Variants in NEBL observed in about 807,000 individuals in gnomAD.
The protein encoded by NEBL is LIM and SH3 protein 2.
NEBL carries 122 observed loss-of-function variants against 140.2 expected under a neutral mutation model. That is an observed-to-expected ratio of 0.87 (90% confidence interval 0.75 to 1.01). The LOEUF (loss-of-function observed/expected upper bound fraction) is 1.01, where lower values mean the gene tolerates loss of function less well. NEBL is among the 50% of genes least tolerant of loss of function. NEBL has a pLI of 0.00. For synonymous variants in NEBL, 436 were observed against 398.9 expected, an observed-to-expected ratio of 1.09 and a Z score of -1.11; for missense variants, 1,365 against 1,231.3, an observed-to-expected ratio of 1.11 and a Z score of -1.62.
At chr10:20,808,478 G>A (rs763894192) in intron 26 of NEBL, 32 bp downstream of exon 26, 5 of 1,609,812 alleles carry the variant, frequency 3.1e-6, no homozygotes, top group East Asian at 2.2e-5. Context: ...AAAATGAATC[G>A]ATTTTCTTTG....
At chr10:20,937,458 G>T (rs1281584974) in intron 4 of NEBL, among the ~76,000 whole-genome samples, 1 of 152,140 alleles carries the variant, frequency 6.6e-6, no homozygotes, top group African/African-American at 2.4e-5. Flanking sequence ...GAGCCAGGGG[G>T]TGGAGACAAG....
At chr10:21,118,532 T>C (rs969474750) in intron 2 of NEBL, among the ~76,000 whole-genome samples, 1 of 152,176 alleles carries the variant, frequency 6.6e-6, no homozygotes, top group African/African-American at 2.4e-5. Context: ...AAAGCTGCTG[T>C]TTGCTAGTTT....
At chr10:21,200,682 C>A (rs1004732748) in intron 3 of NEBL, among the ~76,000 whole-genome samples, 2 of 152,158 alleles carry the variant, frequency 1.3e-5, no homozygotes, top group African/African-American at 4.8e-5. Context: ...TACTTAACAC[C>A]TGTTAGAACA....
intron 4 of NEBL, among the ~76,000 whole-genome samples, chr10:20,884,108 A>G (rs561549456): frequency 6.6e-6 from 1 of 152,346 alleles, no homozygotes; most frequent in Admixed American, 6.5e-5. Context: ...TGCAATAGTC[A>G]TATACACTTT....
At chr10:20,899,990 C>T (rs1847787924), upstream of NEBL, among the ~76,000 whole-genome samples, 2 of 152,134 alleles carry the variant, frequency 1.3e-5, no homozygotes, top group African/African-American at 4.8e-5. Context: ...GCAAAGTTTT[C>T]TTGTCAGTAG....
intron 6 of NEBL, among the ~76,000 whole-genome samples, chr10:20,869,319 G>A (rs1156243152): frequency 6.6e-6 from 1 of 152,116 alleles, no homozygotes; most frequent in Non-Finnish European, 1.5e-5. Flanking sequence ...ACGCCATGTA[G>A]GAAGTGGACA....
At chr10:21,123,028 AT>A (rs1838651973) in intron 2 of NEBL, among the ~76,000 whole-genome samples, 1 of 152,138 alleles carries the variant, frequency 6.6e-6, no homozygotes, top group Non-Finnish European at 1.5e-5. Flanking sequence ...CAAGCCAGAA[AT>A]TTTTTTGAAA....
At chr10:21,018,795 C>T (rs762357139) in intron 3 of NEBL, among the ~76,000 whole-genome samples, 24 of 152,158 alleles carry the variant, frequency 1.6e-4, no homozygotes, top group East Asian at 9.7e-4. Context: ...TTTGGGAGGC[C>T]GAGGCAGGTG....
intron 26 of NEBL, among the ~76,000 whole-genome samples, chr10:20,791,106 A>G (rs547968982): frequency 1.3e-5 from 2 of 152,352 alleles, no homozygotes; most frequent in South Asian, 4.2e-4. Context: ...TACTAAGTCA[A>G]TGAAAATACA....
rs188174257 is a variant in NEBL at position 21,272,201 on chromosome 10, G to A, written n.183-20373C>T. ...AGGATGGTCTCGATCTCCTGACCTCGTTATCCACCCACCTCGGCCTCCCAA... is the reference window on the plus strand; with the variant it reads ...AGGATGGTCTCGATCTCCTGACCTCATTATCCACCCACCTCGGCCTCCCAA... On this transcript the variant is annotated intron_variant and non_coding_transcript_variant, in intron 1 of 8. Coordinates refer to the NEBL transcript ENST00000675702. 8.0e-3 allele frequency among the ~76,000 whole-genome samples: 1,077 copies of A among 134,698 alleles called. 8 individuals are homozygous for A. Among genetic ancestry groups the A allele is most frequent in the African/African-American group, 0.028 (989 of 35,052 alleles). 88.4% of individuals were successfully genotyped at this position (134,698 alleles called of 152,430 possible).
chr10:21,273,943 C>T (rs1021611718), intron 1 of NEBL, among the ~76,000 whole-genome samples: 3 of 152,200 alleles, frequency 2.0e-5, no homozygotes, highest in African/African-American at 7.2e-5. Context: ...TGCCAGGCAG[C>T]CTCTAAGATG....
chr10:20,822,548 TAGATATAGAA>T (rs1839435381), intron 19 of NEBL, among the ~76,000 whole-genome samples: 4 of 151,484 alleles, frequency 2.6e-5, no homozygotes, highest in Non-Finnish European at 5.9e-5. Flanking sequence ...GTAGTCTAAC[TAGATATAGAA>T]AGACTATATA....
chr10:21,024,817 A>C (rs1838956743), intron 2 of NEBL, among the ~76,000 whole-genome samples: 1 of 70,812 alleles, frequency 1.4e-5, no homozygotes, highest in African/African-American at 8.8e-5. Context: ...CCACCTCTCC[A>C]GCAAAAAAAG....
intron 5 of NEBL, among the ~76,000 whole-genome samples, chr10:20,874,724 C>T (rs926538243): frequency 6.6e-6 from 1 of 152,022 alleles, no homozygotes; most frequent in African/African-American, 2.4e-5. Flanking sequence ...TCTAACACAG[C>T]CTCCATTTCA....
At chr10:21,188,293 G>C (rs1841510687) in intron 3 of NEBL, among the ~76,000 whole-genome samples, 1 of 152,098 alleles carries the variant, frequency 6.6e-6, no homozygotes, top group Non-Finnish European at 1.5e-5. Flanking sequence ...AAGTTGTCGT[G>C]TAACACTTTT....
chr10:20,887,934 G>T (rs1846671109), intron 4 of NEBL, among the ~76,000 whole-genome samples, 163 bp downstream of exon 4: 1 of 152,126 alleles, frequency 6.6e-6, no homozygotes, highest in Admixed American at 6.5e-5. Context: ...TTCATTTTCT[G>T]CAATTTCAAC....
intron 2 of NEBL, chr10:21,110,913 A>G (rs992482148): frequency 1.1e-5 from 6 of 548,150 alleles, no homozygotes; most frequent in South Asian, 3.1e-5. Context: ...TACAAAATCA[A>G]TGTGCAAAAA....
intron 4 of NEBL, among the ~76,000 whole-genome samples, chr10:20,913,848 C>T (rs967737158): frequency 1.3e-5 from 2 of 152,156 alleles, no homozygotes; most frequent in African/African-American, 4.8e-5. Context: ...TATTTATGCT[C>T]ATGTACTGGA....
intron 2 of NEBL, among the ~76,000 whole-genome samples, chr10:21,072,292 T>C (rs1369720730): frequency 1.3e-5 from 2 of 152,198 alleles, no homozygotes; most frequent in South Asian, 2.1e-4. Flanking sequence ...CAGTTCCGTC[T>C]TTTATAATGT....
Sources: allele counts gnomAD v4.1 joint callset (sites outside exome capture counted in the v4.1 genomes callset), GRCh38; gene constraint gnomAD v4.1.1; transcripts MANE v1.5; gene names NCBI Gene and HGNC (gene_info 2026-07-23, HGNC 2026-07-21).